CADPS: variants seen among roughly 807,000 people sequenced by gnomAD.
CADPS encodes calcium-dependent secretion activator 1.
CADPS carries 57 observed loss-of-function variants against 167.3 expected under a neutral mutation model. The observed-to-expected ratio is 0.34, with a 90% CI of 0.28 to 0.42. The LOEUF is 0.42. CADPS is among the 20% of genes least tolerant of loss of function. The probability of loss-of-function intolerance (pLI) is 1.00; values close to 1 mark genes in which losing one functional copy is unlikely to be tolerated. For missense variants in CADPS, 1,414 were observed against 1,738.1 expected (o/e 0.81, Z 3.32); for synonymous variants, 676 against 635.3 (o/e 1.06, Z -0.96).
intron 5 of CADPS, 91 bp from the exon 6 acceptor site, chr3:62,645,934 A>C: frequency 6.9e-7 from 1 of 1,448,718 alleles, no homozygotes; most frequent in Admixed American, 1.8e-5. Context: ...AGCTACAGAG[A>C]AAACCAACAG....
At chr3:62,703,042 CTG>C (rs1218048317) in intron 3 of CADPS, among the ~76,000 whole-genome samples, 2 of 152,108 alleles carry the variant, frequency 1.3e-5, no homozygotes, top group Non-Finnish European at 2.9e-5. Context: ...ATGTTCTCGA[CTG>C]TTTCATAATT....
chr3:62,548,296 G>T (rs936926414), intron 11 of CADPS, among the ~76,000 whole-genome samples: 4 of 152,274 alleles, frequency 2.6e-5, no homozygotes, highest in South Asian at 2.1e-4. Flanking sequence ...TCTCTTTACT[G>T]CTCTCAAGTA....
At chr3:62,626,497 T>C in intron 6 of CADPS, 1 of 702,558 alleles carries the variant, frequency 1.4e-6, no homozygotes, top group Non-Finnish European at 2.6e-6. Flanking sequence ...CCCCTGGAGA[T>C]GATTTGACAT....
At chr3:62,693,662 G>T (rs896818686) in intron 3 of CADPS, among the ~76,000 whole-genome samples, 1 of 151,622 alleles carries the variant, frequency 6.6e-6, no homozygotes, top group Non-Finnish European at 1.5e-5. Context: ...GCGCATGCCC[G>T]TAGTCCCAGC....
At chr3:62,417,032 T>G (rs1031501324) in intron 28 of CADPS, among the ~76,000 whole-genome samples, 4 of 151,886 alleles carry the variant, frequency 2.6e-5, no homozygotes, top group East Asian at 3.9e-4. Context: ...ACTACAGGCG[T>G]GCACCACCGT....
intron 3 of CADPS, among the ~76,000 whole-genome samples, chr3:62,691,975 A>G (rs1226105857): frequency 6.6e-6 from 1 of 150,828 alleles, no homozygotes; most frequent in Non-Finnish European, 1.5e-5. Flanking sequence ...TGATAATAAT[A>G]TGGTCTTATC....
Position 62,624,721 on chromosome 3 carries a change from T to C in CADPS, c.1325+21001A>G, listed in dbSNP as rs894900688. On this transcript the variant is annotated intron_variant, in intron 6 of 29. Coordinates refer to ENST00000383710, the MANE Select transcript of CADPS (RefSeq NM_003716.4). ...GGGCAAGCTACCTGATGGTACTAAG[T>C]CTTGGTTTTCTCTATTTGTAAAGTG... Among the ~76,000 whole-genome samples the C allele has an allele frequency of 7.2e-5, 11 of 152,290 alleles. No homozygotes were observed. The South Asian group carries it at 2.1e-3, about 29-fold the overall frequency.
At chr3:62,518,408 G>A (rs1027644374) in intron 13 of CADPS, among the ~76,000 whole-genome samples, 158 bp from the exon 14 acceptor site, 1 of 152,186 alleles carries the variant, frequency 6.6e-6, no homozygotes, top group Admixed American at 6.5e-5. Context: ...GCTTCCAAAG[G>A]CGTTGGGTTG....
intron 10 of CADPS, among the ~76,000 whole-genome samples, chr3:62,556,746 A>G (rs1420328449): frequency 6.6e-6 from 1 of 151,894 alleles, no homozygotes; most frequent in African/African-American, 2.4e-5. Context: ...TGTAGAACTT[A>G]TGCGGTGTAG....
In CADPS at chr3:62,602,351, T is replaced by C. The variant is rs947253866; in HGVS notation, c.1326-9603A>G. On this transcript the variant is annotated intron_variant, in intron 6 of 29. Transcript: ENST00000383710. This position sits in a 1 kb window ranked among gnomAD's most constrained non-coding sequence, Gnocchi z 4.4. ...ATGTCTCGGAGACTGGATTTGCATT[T>C]ATTCAAGGTATACGGCTCATGTGAA... Among the ~76,000 whole-genome samples, 1 of 152,152 alleles carries C rather than the reference T, an allele frequency of 6.6e-6. No homozygotes were observed. Among genetic ancestry groups the C allele is most frequent in the African/African-American group, 2.4e-5 (1 of 41,452 alleles).
chr3:62,774,212 C>T (rs1407795160), intron 1 of CADPS, among the ~76,000 whole-genome samples: 1 of 152,116 alleles, frequency 6.6e-6, no homozygotes, highest in Non-Finnish European at 1.5e-5. Flanking sequence ...GTCTACTTTT[C>T]ACCCTTCCGG....
chr3:62,751,439 C>A (rs923250432), intron 3 of CADPS, among the ~76,000 whole-genome samples: 8 of 136,156 alleles, frequency 5.9e-5, no homozygotes, highest in Non-Finnish European at 1.1e-4. Flanking sequence ...AGAAGAAGTA[C>A]TTTATCTTGT....
At chr3:62,556,419 G>GT (rs2078156471) in intron 10 of CADPS, among the ~76,000 whole-genome samples, 1 of 152,182 alleles carries the variant, frequency 6.6e-6, no homozygotes, top group Admixed American at 6.5e-5. Context: ...ACCTTTTCAG[G>GT]TTAGCACCCC....
intron 4 of CADPS, among the ~76,000 whole-genome samples, chr3:62,659,905 C>A (rs1198213329): frequency 6.6e-6 from 1 of 152,180 alleles, no homozygotes; most frequent in Non-Finnish European, 1.5e-5. Context: ...ACCCTCAATA[C>A]CCTAGACAGG....
chr3:62,491,878 G>C (rs919412259), intron 20 of CADPS, among the ~76,000 whole-genome samples: 1 of 152,066 alleles, frequency 6.6e-6, no homozygotes, highest in Non-Finnish European at 1.5e-5. Context: ...TCCCTGGGGA[G>C]GAAGGTCTAT....
In CADPS at chr3:62,516,644, C is replaced by A; in HGVS notation, c.2394-1G>T. 6.3e-7 allele frequency: 1 copy of A among 1,594,354 alleles called. No individual in the cohort carries two copies. Among genetic ancestry groups the A allele is most frequent in the Non-Finnish European group, 8.6e-7 (1 of 1,167,954 alleles). On this transcript the variant is annotated splice_acceptor_variant, in intron 14 of 29. Transcript: ENST00000383710. LOFTEE classifies it high-confidence loss of function. ...AGGTCGACCAAATGGAAAGCAATAC[C>A]TAAAAAAGACAAAATTCTTCAGGTT...
intron 3 of CADPS, among the ~76,000 whole-genome samples, chr3:62,695,445 G>A (rs1046790608): frequency 3.3e-5 from 5 of 151,986 alleles, no homozygotes; most frequent in Non-Finnish European, 5.9e-5. Context: ...GCATTAATAC[G>A]GCCAGGCTTT....
chr3:62,732,198 T>G (rs2078039559), intron 3 of CADPS, among the ~76,000 whole-genome samples: 1 of 152,146 alleles, frequency 6.6e-6, no homozygotes, highest in Non-Finnish European at 1.5e-5. Flanking sequence ...ACCTAGTGAC[T>G]TGCTCCTAAC....
chr3:62,472,035 G>A (rs1010160208), intron 24 of CADPS, among the ~76,000 whole-genome samples: 7 of 151,632 alleles, frequency 4.6e-5, no homozygotes, highest in South Asian at 2.1e-4. Flanking sequence ...AAAAAGGAGC[G>A]AACAATACAT....
Sources: gnomAD v4.1 joint callset for allele counts (sites outside exome capture counted in the v4.1 genomes callset) on GRCh38, gnomAD v4.1.1 for gene constraint, Gnocchi (gnomAD v3.1) non-coding constraint, MANE v1.5 for transcripts, NCBI Gene and HGNC (gene_info 2026-07-23, HGNC 2026-07-21) for gene names.